The following TBC1D5 variants were observed in gnomAD, a reference collection of about 807,000 sequenced individuals.
TBC1D5 encodes the protein TBC1 domain family, member 5.
Under a neutral mutation model 100.3 loss-of-function variants are expected in TBC1D5, and 75 were observed. That is an observed-to-expected ratio of 0.75 (90% CI 0.62 to 0.91). The LOEUF is 0.91. TBC1D5 is among the 40% of genes least tolerant of loss of function. The pLI, the probability that TBC1D5 is intolerant of heterozygous loss-of-function variation, is 0.00. For missense variants in TBC1D5, 910 were observed against 942.4 expected, an observed-to-expected ratio of 0.97 and a Z score of 0.45; for synonymous variants, 323 against 325.6, an observed-to-expected ratio of 0.99 and a Z score of 0.09.
intron 2 of TBC1D5, among the ~76,000 whole-genome samples, chr3:17,572,789 T>C (rs2096635624): frequency 6.6e-6 from 1 of 152,044 alleles, no homozygotes; most frequent in African/African-American, 2.4e-5. Flanking sequence ...GGCATATCAT[T>C]ATTCACTGTT....
intron 15 of TBC1D5, among the ~76,000 whole-genome samples, chr3:17,263,494 T>A (rs781243561): frequency 6.6e-6 from 1 of 152,098 alleles, no homozygotes; most frequent in Non-Finnish European, 1.5e-5. Context: ...CCAACCAGGA[T>A]GGGCCTGAAA....
intron 2 of TBC1D5, among the ~76,000 whole-genome samples, chr3:17,572,701 G>A (rs574805733): frequency 2.4e-4 from 36 of 152,064 alleles, no homozygotes; most frequent in Admixed American, 7.2e-4. Context: ...TGTCAAATTC[G>A]ACGACCACTT....
At chr3:17,507,456 C>A (rs972645279) in intron 3 of TBC1D5, among the ~76,000 whole-genome samples, 5 of 151,952 alleles carry the variant, frequency 3.3e-5, no homozygotes, top group East Asian at 1.9e-4. Context: ...TAAAGATGCA[C>A]AAAAAGCATA....
At chr3:17,392,613 T>A (rs769904455) in intron 8 of TBC1D5, among the ~76,000 whole-genome samples, 6 of 151,924 alleles carry the variant, frequency 3.9e-5, no homozygotes, top group Non-Finnish European at 8.8e-5. Flanking sequence ...GAACATGCGG[T>A]GTTTGGTTTT....
chr3:17,515,738 A>G (rs146969976), intron 2 of TBC1D5, among the ~76,000 whole-genome samples: 1 of 152,306 alleles, frequency 6.6e-6, no homozygotes, highest in Non-Finnish European at 1.5e-5. Flanking sequence ...ATTGAGATAA[A>G]CAGATCCTTA....
chr3:17,347,184 C>G (rs138051461), intron 13 of TBC1D5, among the ~76,000 whole-genome samples: 1 of 152,098 alleles, frequency 6.6e-6, no homozygotes, highest in African/African-American at 2.4e-5. Flanking sequence ...CCTTCAAGTA[C>G]CAACTATGTG....
intron 2 of TBC1D5, among the ~76,000 whole-genome samples, chr3:17,565,159 T>C (rs922391458): frequency 6.6e-6 from 1 of 152,156 alleles, no homozygotes; most frequent in Non-Finnish European, 1.5e-5. Context: ...TTTAAGACAC[T>C]GTCTAAAAAC....
intron 15 of TBC1D5, among the ~76,000 whole-genome samples, chr3:17,259,011 G>C (rs1318119769): frequency 6.6e-6 from 1 of 152,166 alleles, no homozygotes; most frequent in Non-Finnish European, 1.5e-5. Context: ...TTTATGACCA[G>C]AATGCTAAAT....
At chr3:17,612,610 A>G (rs1211098829) in intron 2 of TBC1D5, among the ~76,000 whole-genome samples, 1 of 152,152 alleles carries the variant, frequency 6.6e-6, no homozygotes, top group African/African-American at 2.4e-5. Context: ...AGCCTGGGTG[A>G]CAAGAGTGAT....
At chr3:17,157,944 C>T (rs2065734624) in exon 22 of TBC1D5, 1 of 152,236 alleles carries the variant, frequency 6.6e-6, no homozygotes, top group African/African-American at 2.4e-5. Context: ...AGGCAAATCA[C>T]AGGGAGGTCC....
chr3:17,610,101 A>G (rs1194480105), intron 2 of TBC1D5, among the ~76,000 whole-genome samples: 1 of 152,178 alleles, frequency 6.6e-6, no homozygotes, highest in African/African-American at 2.4e-5. Context: ...TTCCAATATC[A>G]TATCCAAATA....
intron 2 of TBC1D5, among the ~76,000 whole-genome samples, chr3:17,518,701 C>T (rs2096023111): frequency 1.3e-5 from 2 of 152,252 alleles, no homozygotes; most frequent in Non-Finnish European, 2.9e-5. Context: ...CAGAGGGCAG[C>T]TGCCTCAGCA....
At chr3:17,420,441 A>G (rs1333239247) in intron 4 of TBC1D5, among the ~76,000 whole-genome samples, 2 of 152,194 alleles carry the variant, frequency 1.3e-5, no homozygotes, top group Admixed American at 1.3e-4. Flanking sequence ...ATAGACAATC[A>G]GAAATTAAGT....
intron 3 of TBC1D5, among the ~76,000 whole-genome samples, chr3:17,450,254 A>G (rs750574530): frequency 2.6e-5 from 4 of 152,232 alleles, no homozygotes; most frequent in Non-Finnish European, 4.4e-5. Context: ...GATAAAAGGT[A>G]GATAAATCCA....
chr3:17,301,140 C>T (rs1559585509), intron 14 of TBC1D5, among the ~76,000 whole-genome samples: 2 of 149,714 alleles, frequency 1.3e-5, no homozygotes, highest in South Asian at 2.1e-4. Flanking sequence ...ATTTACAAGA[C>T]AAATAAAAGG....
chr3:17,323,917 T>C (rs891152309), intron 13 of TBC1D5, among the ~76,000 whole-genome samples: 9 of 152,232 alleles, frequency 5.9e-5, no homozygotes, highest in African/African-American at 2.2e-4. Flanking sequence ...TTATGTGATA[T>C]ACAGAATTAC....
chr3:17,347,413 C>A (rs1271685887), intron 13 of TBC1D5, among the ~76,000 whole-genome samples: 1 of 152,164 alleles, frequency 6.6e-6, no homozygotes, highest in African/African-American at 2.4e-5. Context: ...TCAGTAGTCA[C>A]CTTTAAAACT....
intron 5 of TBC1D5, among the ~76,000 whole-genome samples, chr3:17,405,251 G>A (rs1289296874): frequency 1.3e-5 from 2 of 151,970 alleles, no homozygotes; most frequent in South Asian, 4.1e-4. Flanking sequence ...ATTCATTGAG[G>A]TTCAAATATA....
chr3:17,253,867 G>A (rs1024293201), intron 16 of TBC1D5, among the ~76,000 whole-genome samples: 2 of 152,118 alleles, frequency 1.3e-5, no homozygotes, highest in African/African-American at 4.8e-5. Flanking sequence ...ACTTACGTGC[G>A]GATTTTTTTC....
Sources: gnomAD v4.1 joint callset for allele counts (sites outside exome capture counted in the v4.1 genomes callset) on GRCh38, gnomAD v4.1.1 for gene constraint, MANE v1.5 for transcripts, NCBI Gene and HGNC (gene_info 2026-07-23, HGNC 2026-07-21) for gene names.